CNTNAP2: variants seen among roughly 807,000 people sequenced by gnomAD.
CNTNAP2 encodes contactin-associated protein-like 2.
Under a neutral mutation model 155.2 loss-of-function variants are expected in CNTNAP2, and 98 were observed. The observed-to-expected ratio is 0.63, with a 90% CI of 0.54 to 0.75. CNTNAP2 has a LOEUF of 0.75. Among genes scored for constraint, CNTNAP2 ranks in the 30% least tolerant of loss-of-function variants. The pLI is 0.00. For missense variants in CNTNAP2, 1,727 were observed against 1,688.1 expected (o/e 1.02, Z -0.40); for synonymous variants, 651 against 631.2 (o/e 1.03, Z -0.47).
At chr7:146,355,976 T>C (rs1794991557) in intron 1 of CNTNAP2, among the ~76,000 whole-genome samples, 1 of 151,844 alleles carries the variant, frequency 6.6e-6, no homozygotes, top group South Asian at 2.1e-4. Flanking sequence ...CTTAACCAAA[T>C]ATATCAAGCA....
intron 1 of CNTNAP2, among the ~76,000 whole-genome samples, chr7:146,672,161 C>T (rs868152502): frequency 6.6e-6 from 1 of 152,118 alleles, no homozygotes; most frequent in Admixed American, 6.6e-5. Context: ...TGCACACACC[C>T]ATCAGAGATG....
At chr7:146,984,344 G>T (rs1393255440) in intron 3 of CNTNAP2, among the ~76,000 whole-genome samples, 4 of 141,952 alleles carry the variant, frequency 2.8e-5, no homozygotes, top group Non-Finnish European at 6.0e-5. Context: ...TCCAGCCTGG[G>T]CAACAAGAGC....
chr7:146,858,112 A>G (rs1008630802), intron 3 of CNTNAP2, among the ~76,000 whole-genome samples: 2 of 152,212 alleles, frequency 1.3e-5, no homozygotes, highest in East Asian at 1.9e-4. Context: ...ATAAATCACA[A>G]TTAGATCTTG....
At chr7:147,430,285 G>A (rs12671769) in intron 10 of CNTNAP2, among the ~76,000 whole-genome samples, 2 of 152,134 alleles carry the variant, frequency 1.3e-5, no homozygotes, top group Non-Finnish European at 2.9e-5. Context: ...TCACAGCCTA[G>A]GAAGAAAGAG....
chr7:146,498,691 A>T (rs2129132708), intron 1 of CNTNAP2, among the ~76,000 whole-genome samples: 1 of 152,282 alleles, frequency 6.6e-6, no homozygotes, highest in Non-Finnish European at 1.5e-5. Flanking sequence ...CAAAAAAAAA[A>T]AAAATCCTGT....
chr7:147,093,130 A>G (rs1408497523), intron 4 of CNTNAP2, among the ~76,000 whole-genome samples: 3 of 150,732 alleles, frequency 2.0e-5, no homozygotes, highest in Non-Finnish European at 4.4e-5. Flanking sequence ...AGTCCCAGCT[A>G]CTCAGGAGGC....
At chr7:146,510,180 G>T (rs1364569193) in intron 1 of CNTNAP2, among the ~76,000 whole-genome samples, 1 of 152,172 alleles carries the variant, frequency 6.6e-6, no homozygotes, top group Non-Finnish European at 1.5e-5. Flanking sequence ...TACAGAGTCA[G>T]CAGTGCAGTT....
intron 22 of CNTNAP2, among the ~76,000 whole-genome samples, chr7:148,392,727 G>C (rs1017075): frequency 0.37 from 56,827 of 151,956 alleles, 12,645 homozygotes; most frequent in East Asian, 0.68. Flanking sequence ...ATCCAGGGTT[G>C]AGAATCCCCT....
In CNTNAP2 at chr7:147,682,878, G is replaced by A. The variant is rs143148495; in HGVS notation, c.2098+43572G>A. Among the ~76,000 whole-genome samples the A allele has an allele frequency of 1.1e-4, 16 of 151,882 alleles. No individual in the cohort carries two copies. In the East Asian group the frequency reaches 2.7e-3, roughly 26 times the overall value. On this transcript the variant is annotated intron_variant, in intron 13 of 23. Transcript: ENST00000361727. Reference sequence around the variant, plus strand: ...GTTAAGGTTTTTTGGGTTTGGCTTCGACTTTTTCATAAAGAAAGCATCTTC... The same window carrying A: ...GTTAAGGTTTTTTGGGTTTGGCTTCAACTTTTTCATAAAGAAAGCATCTTC...
intron 10 of CNTNAP2, among the ~76,000 whole-genome samples, chr7:147,468,086 C>T (rs1053645139): frequency 6.6e-6 from 1 of 151,948 alleles, no homozygotes; most frequent in East Asian, 1.9e-4. Flanking sequence ...GAGTTCAAGG[C>T]CAGCCTGGGC....
At chr7:147,991,217 C>G (rs542709036) in intron 15 of CNTNAP2, among the ~76,000 whole-genome samples, 1 of 152,118 alleles carries the variant, frequency 6.6e-6, no homozygotes, top group Non-Finnish European at 1.5e-5. Context: ...TAACAGTAGA[C>G]GGGAATCTCA....
intron 13 of CNTNAP2, among the ~76,000 whole-genome samples, chr7:147,657,406 T>C (rs2116948122): frequency 6.6e-6 from 1 of 152,170 alleles, no homozygotes; most frequent in African/African-American, 2.4e-5. Context: ...TTCGGTGAAA[T>C]ATGGGAGATA....
intron 13 of CNTNAP2, among the ~76,000 whole-genome samples, chr7:147,774,505 A>G (rs1797527783): frequency 6.6e-6 from 1 of 152,226 alleles, no homozygotes; most frequent in South Asian, 2.1e-4. Context: ...AAATTCATGC[A>G]TTAAAGCCTA....
In CNTNAP2 at chr7:147,179,653, A is replaced by G. The variant is rs573234120; in HGVS notation, c.1348+47144A>G. ...TTATCAAAATCGGTTTTATTTACAAATATGAAGGATGGAAGAGTGGGCACA... is the reference window on the plus strand; with the variant it reads ...TTATCAAAATCGGTTTTATTTACAAGTATGAAGGATGGAAGAGTGGGCACA... On this transcript the variant is annotated intron_variant, in intron 8 of 23. Transcript: ENST00000361727. Among the ~76,000 whole-genome samples, 5 of 152,306 alleles carry G rather than the reference A, an allele frequency of 3.3e-5. No homozygotes were observed. The South Asian group carries it at 6.2e-4, about 19-fold the overall frequency.
chr7:148,062,149 G>A (rs1457109976), intron 15 of CNTNAP2, among the ~76,000 whole-genome samples: 1 of 149,430 alleles, frequency 6.7e-6, no homozygotes, highest in Non-Finnish European at 1.5e-5. Context: ...AAGCTAAGTG[G>A]TTTTTTTAAG....
At chr7:148,183,475 C>CTTTTTTTTTTT (rs71527885) in intron 18 of CNTNAP2, among the ~76,000 whole-genome samples, 2 of 82,258 alleles carry the variant, frequency 2.4e-5, no homozygotes, top group Non-Finnish European at 4.4e-5. Context: ...TACTTATTTG[C>CTTTTTTTTTTT]TTTTTTTTTT....
chr7:146,585,184 C>T (rs961830688), intron 1 of CNTNAP2, among the ~76,000 whole-genome samples: 9 of 152,062 alleles, frequency 5.9e-5, no homozygotes, highest in South Asian at 2.1e-4. Context: ...TGCAGTGGCA[C>T]GATCTCGGCT....
At chr7:146,412,979 C>T (rs187810997) in intron 1 of CNTNAP2, among the ~76,000 whole-genome samples, 2 of 152,180 alleles carry the variant, frequency 1.3e-5, no homozygotes, top group East Asian at 3.9e-4. Flanking sequence ...AATGAAGACC[C>T]CCCTCAGTTA....
chr7:147,267,133 C>A (rs1323663347), intron 8 of CNTNAP2, among the ~76,000 whole-genome samples: 1 of 152,134 alleles, frequency 6.6e-6, no homozygotes, highest in East Asian at 1.9e-4. Flanking sequence ...AAAGGGTGAA[C>A]ACAAAAAGTC....
Sources: allele counts gnomAD v4.1 joint callset (sites outside exome capture counted in the v4.1 genomes callset), GRCh38; gene constraint gnomAD v4.1.1; transcripts MANE v1.5; gene names NCBI Gene and HGNC (gene_info 2026-07-23, HGNC 2026-07-21).